MAP7: variants seen among roughly 807,000 people sequenced by gnomAD.
MAP7 encodes microtubule associated protein 7.
A neutral mutation model predicts 94.8 loss-of-function variants in MAP7; 52 were observed. The observed-to-expected ratio is 0.55, with a 90% confidence interval of 0.44 to 0.69. MAP7 has a LOEUF of 0.69. Among genes scored for constraint, MAP7 ranks in the 30% least tolerant of loss-of-function variants. The pLI is 0.00. For missense variants in MAP7, 940 were observed against 964.6 expected (o/e 0.97, Z 0.34); for synonymous variants, 350 against 357.0 (o/e 0.98, Z 0.22).
At position 136,345,853 on chromosome 6, in the gene MAP7, T is replaced by C. The variant is rs1230291607; in HGVS notation, c.2239+3A>G. 6.2e-7 allele frequency: 1 copy of C among 1,613,232 alleles called. No individual in the cohort carries two copies. Among genetic ancestry groups the C allele is most frequent in the Admixed American group, 1.7e-5 (1 of 60,026 alleles). ...TACAGAAGGGAGTTGGAGGCAAGCT[T>C]ACCTGCAGTCTGCTGTGTCTGAACA... On this transcript the variant is annotated splice_donor_region_variant and intron_variant, in intron 17 of 17. Coordinates refer to ENST00000354570, the MANE Select transcript of MAP7 (RefSeq NM_003980.6).
At chr6:136,485,311 C>T (rs1357001084) in intron 1 of MAP7, among the ~76,000 whole-genome samples, 1 of 152,126 alleles carries the variant, frequency 6.6e-6, no homozygotes, top group Non-Finnish European at 1.5e-5. Flanking sequence ...AATGTCATTA[C>T]ATTATGTTTA....
At chr6:136,501,958 T>C (rs1361815715) in intron 1 of MAP7, among the ~76,000 whole-genome samples, 1 of 152,210 alleles carries the variant, frequency 6.6e-6, no homozygotes, top group African/African-American at 2.4e-5. Context: ...CATGGCTTCA[T>C]GGACCAGAGC....
chr6:136,435,356 C>T (rs1796114403), intron 1 of MAP7, among the ~76,000 whole-genome samples: 1 of 152,160 alleles, frequency 6.6e-6, no homozygotes, highest in Non-Finnish European at 1.5e-5. Flanking sequence ...GAAACACCTG[C>T]TCCTAGATAA....
chr6:136,441,213 C>A (rs1797769625), intron 1 of MAP7, among the ~76,000 whole-genome samples: 1 of 152,146 alleles, frequency 6.6e-6, no homozygotes, highest in African/African-American at 2.4e-5. Context: ...TACCCAGCAG[C>A]ATAAAATAAG....
intron 8 of MAP7, among the ~76,000 whole-genome samples, 189 bp downstream of exon 8, chr6:136,372,312 C>T (rs1043841216): frequency 6.6e-6 from 1 of 152,112 alleles, no homozygotes; most frequent in Non-Finnish European, 1.5e-5. Flanking sequence ...AGCAAAATCC[C>T]CAAGTGAAGA....
chr6:136,365,670 G>T, intron 10 of MAP7, 65 bp downstream of exon 10: 1 of 1,516,478 alleles, frequency 6.6e-7, no homozygotes, highest in Middle Eastern at 1.8e-4. Context: ...AACAAAAAAA[G>T]CTTCATCAAA....
chr6:136,372,512 G>A lies in MAP7; in HGVS notation c.865C>T (p.His289Tyr). The A allele has an allele frequency of 2.5e-6, 4 of 1,614,094 alleles. No homozygotes were observed. The highest frequency in any genetic ancestry group is 3.4e-6 in the Non-Finnish European group (4 of 1,180,028). Reference sequence around the variant, plus strand: ...CAACAGCTACTCACCGCTGTGCCATGAATGATCCTCCTGCGAGAAGAGCCC... The same window carrying A: ...CAACAGCTACTCACCGCTGTGCCATAAATGATCCTCCTGCGAGAAGAGCCC... ...PEGSSRRRII[H>Y]GTASYKKERE... is the part of the protein sequence containing the mutation. Residue 289 changes from histidine to tyrosine, a missense_variant, in exon 8 of 18, where the codon CAT becomes TAT. By Grantham distance (83) the His-to-Tyr change is moderately conservative (BLOSUM62 2). Transcript: ENST00000354570.
chr6:136,477,380 G>A (rs1811268784), intron 1 of MAP7, among the ~76,000 whole-genome samples: 1 of 152,144 alleles, frequency 6.6e-6, no homozygotes, highest in Non-Finnish European at 1.5e-5. Flanking sequence ...AAGTGATAAA[G>A]ATTAAAGAGA....
chr6:136,380,958 G>A (rs992526468), intron 6 of MAP7, among the ~76,000 whole-genome samples: 11 of 152,264 alleles, frequency 7.2e-5, no homozygotes, highest in African/African-American at 2.4e-4. Context: ...TGATGGTATC[G>A]GAGCCTCAAT....
intron 1 of MAP7, among the ~76,000 whole-genome samples, chr6:136,534,548 T>C (rs981010959): frequency 6.6e-6 from 1 of 152,242 alleles, no homozygotes; most frequent in Non-Finnish European, 1.5e-5. Context: ...CAAGTCAACA[T>C]GCTGCGAACG....
intron 8 of MAP7, among the ~76,000 whole-genome samples, chr6:136,367,027 A>C (rs955877845): frequency 1.8e-4 from 27 of 152,184 alleles, no homozygotes; most frequent in Non-Finnish European, 2.9e-4. Context: ...TTTTGAAGAA[A>C]AGTCAGGTTT....
chr6:136,428,523 GAATAAATA>G lies in MAP7; in HGVS notation c.68-6732_68-6725del, dbSNP rs373164215. ...TGACAGAGCAAGACTCTGTCTCAAA[GAATAAATA>G]AATAAATAAATAAATAAAATAGTGA... On this transcript the variant is annotated intron_variant, in intron 1 of 17. Coordinates refer to ENST00000354570, the MANE Select transcript of MAP7 (RefSeq NM_003980.6). Among the ~76,000 whole-genome samples, 626 of 151,608 alleles carry G rather than the reference GAATAAATA, an allele frequency of 4.1e-3. 4 individuals carry two copies. The highest frequency in any genetic ancestry group is 0.014 in the African/African-American group (588 of 41,324).
intron 1 of MAP7, among the ~76,000 whole-genome samples, chr6:136,473,295 G>A (rs1350660514): frequency 6.6e-6 from 1 of 152,190 alleles, no homozygotes; most frequent in East Asian, 1.9e-4. Flanking sequence ...TTTAGTCCCT[G>A]AAAGGCTTTG....
intron 1 of MAP7, among the ~76,000 whole-genome samples, chr6:136,454,617 G>C (rs1345358797): frequency 6.6e-6 from 1 of 150,646 alleles, no homozygotes; most frequent in Non-Finnish European, 1.5e-5. Flanking sequence ...CTTTTAAATA[G>C]CAAACAGCCA....
chr6:136,527,176 G>T (rs560352165), intron 1 of MAP7, among the ~76,000 whole-genome samples: 1 of 152,052 alleles, frequency 6.6e-6, no homozygotes, highest in Non-Finnish European at 1.5e-5. Context: ...TTTTTGGATC[G>T]TTTTCTTCAA....
chr6:136,521,130 A>C (rs1278810800), intron 1 of MAP7, among the ~76,000 whole-genome samples: 1 of 152,178 alleles, frequency 6.6e-6, no homozygotes. Context: ...GAAAGAGGAC[A>C]AGGGTGGCTG....
chr6:136,360,125 C>T (rs955969187), intron 13 of MAP7, 94 bp from the exon 14 acceptor site: 44 of 990,934 alleles, frequency 4.4e-5, no homozygotes, highest in Middle Eastern at 2.2e-4. Context: ...TTAAAATGGT[C>T]TGTTATTTTG....
chr6:136,459,377 T>C (rs1399081200), intron 1 of MAP7, among the ~76,000 whole-genome samples: 1 of 151,838 alleles, frequency 6.6e-6, no homozygotes, highest in African/African-American at 2.4e-5. Context: ...AACACAGAAA[T>C]ACCATATGAT....
chr6:136,497,361 T>C (rs1288073556), intron 1 of MAP7, among the ~76,000 whole-genome samples: 1 of 151,842 alleles, frequency 6.6e-6, no homozygotes, highest in African/African-American at 2.4e-5. Flanking sequence ...ACCACCGCAG[T>C]GTAAATTGGT....
Sources: allele counts gnomAD v4.1 joint callset (sites outside exome capture counted in the v4.1 genomes callset), GRCh38; gene constraint gnomAD v4.1.1; transcripts MANE v1.5; gene names NCBI Gene and HGNC (gene_info 2026-07-23, HGNC 2026-07-21).